TET3: variants seen among roughly 807,000 people sequenced by gnomAD.
The protein encoded by TET3 is tet methylcytosine dioxygenase 3.
A neutral mutation model predicts 141.4 loss-of-function variants in TET3; 19 were observed. The observed-to-expected ratio is 0.13, with a 90% confidence interval of 0.09 to 0.20. The LOEUF is 0.20. TET3 is among the 10% of genes least tolerant of loss of function. TET3 has a pLI of 1.00. For synonymous variants in TET3, 1,043 were observed against 980.9 expected (o/e 1.06, Z -1.18); for missense variants, 1,874 against 2,356.9 (o/e 0.80, Z 4.24).
chr2:74,007,527 T>C (rs770411325), intron 3 of TET3, among the ~76,000 whole-genome samples: 10 of 152,198 alleles, frequency 6.6e-5, no homozygotes, highest in Non-Finnish European at 1.5e-4. Context: ...ACCATGAACC[T>C]GAAATTGCCT....
At chr2:74,081,561 A>G (rs2104001337) in intron 6 of TET3, among the ~76,000 whole-genome samples, 1 of 152,302 alleles carries the variant, frequency 6.6e-6, no homozygotes, top group Non-Finnish European at 1.5e-5. Flanking sequence ...AGTCAGGCTG[A>G]GGAGAGGGAG....
intron 3 of TET3, among the ~76,000 whole-genome samples, chr2:74,037,147 C>T (rs1687108904): frequency 6.6e-6 from 1 of 152,152 alleles, no homozygotes; most frequent in South Asian, 2.1e-4. Flanking sequence ...AGCCAGTGTG[C>T]CCATGGGCAC....
At chr2:74,036,271 C>G (rs916041733) in intron 3 of TET3, among the ~76,000 whole-genome samples, 9 of 152,212 alleles carry the variant, frequency 5.9e-5, no homozygotes, top group African/African-American at 2.2e-4. Context: ...ACTAAATGTT[C>G]TTCCTCTTCA....
downstream of TET3, among the ~76,000 whole-genome samples, chr2:74,110,802 C>T (rs1292902233): frequency 6.6e-6 from 1 of 152,146 alleles, no homozygotes; most frequent in East Asian, 1.9e-4. Context: ...ACCCCTGACT[C>T]TCACTCTCCA....
rs184359163 is a variant in TET3, at chr2:74,084,473, G to A, written c.2680-3357G>A. The stretch of plus-strand genomic sequence containing the variant: ...TCTCTCTCTTTTTTTTTTTTTTTGA[G>A]ATGGAGTCTCGCTCTGTCGCCCAGG... On this transcript the variant is annotated intron_variant, in intron 6 of 11. Coordinates refer to ENST00000409262, the MANE Select transcript of TET3 (RefSeq NM_001287491.2). 4.0e-4 allele frequency among the ~76,000 whole-genome samples: 60 copies of A among 149,072 alleles called. No individual in the cohort carries two copies. The South Asian group carries it at 9.1e-3, about 23-fold the overall frequency.
chr2:74,008,485 G>A (rs1020334615), intron 3 of TET3, among the ~76,000 whole-genome samples: 2 of 152,206 alleles, frequency 1.3e-5, no homozygotes, highest in East Asian at 3.9e-4. Context: ...CATTGCCACA[G>A]GCAGGGCACC....
chr2:74,060,146 C>T (rs1035193598), intron 4 of TET3, among the ~76,000 whole-genome samples: 3 of 152,200 alleles, frequency 2.0e-5, no homozygotes, highest in African/African-American at 7.2e-5. Context: ...TCCACGTTCT[C>T]ACCAGCAAAT....
At chr2:74,094,582 G>A (rs953373325) in intron 10 of TET3, among the ~76,000 whole-genome samples, 3 of 152,164 alleles carry the variant, frequency 2.0e-5, no homozygotes, top group Non-Finnish European at 4.4e-5. Context: ...TGAGGTGAAC[G>A]GGAGGGAATA....
At chr2:74,048,576 G>A (rs943639679) in intron 4 of TET3, among the ~76,000 whole-genome samples, 165 bp downstream of exon 4, 1 of 152,226 alleles carries the variant, frequency 6.6e-6, no homozygotes, top group South Asian at 2.1e-4. Flanking sequence ...AAAAGACATT[G>A]AAAGAAATTG....
chr2:74,099,557 T>A lies in TET3; in HGVS notation c.3549T>A (p.Thr1183=). The change falls in exon 11 of 12, where the codon ACT becomes ACA. Residue 1183 remains threonine (T), a synonymous_variant. Coordinates refer to ENST00000409262, the MANE Select transcript of TET3 (RefSeq NM_001287491.2). The part of the protein sequence containing the change: ...KKKIQKEKLS[T]PEKIKQEALE... ...AGATTCAGAAGGAGAAGCTGAGCAC[T>A]CCGGAGAAGATCAAGCAGGAGGCCC... The A allele has an allele frequency of 6.2e-7, 1 of 1,607,872 alleles. No individual in the cohort carries two copies. Among genetic ancestry groups the A allele is most frequent in the Non-Finnish European group, 8.5e-7 (1 of 1,176,942 alleles).
intron 3 of TET3, among the ~76,000 whole-genome samples, chr2:74,039,535 A>G (rs1687235968): frequency 1.3e-5 from 2 of 152,232 alleles, no homozygotes; most frequent in South Asian, 4.1e-4. Context: ...TTGTCAGGCA[A>G]CAAATCACCC....
At chr2:74,099,679 C>T (rs1456150702) in intron 11 of TET3, 67 bp downstream of exon 11, 1 of 1,414,788 alleles carries the variant, frequency 7.1e-7, no homozygotes, top group South Asian at 1.4e-5. Context: ...CCCTGCTCTT[C>T]CACGCACCCT....
chr2:73,985,315 G>A (rs1439745561), intron 1 of TET3, among the ~76,000 whole-genome samples, 158 bp downstream of exon 1: 2 of 132,616 alleles, frequency 1.5e-5, no homozygotes, highest in African/African-American at 5.5e-5. Context: ...GGGGCGCTGT[G>A]CGGCTGAGCC....
intron 4 of TET3, among the ~76,000 whole-genome samples, chr2:74,063,236 C>G (rs1336765272): frequency 1.3e-5 from 2 of 151,410 alleles, no homozygotes; most frequent in South Asian, 2.1e-4. Context: ...TGTAAGATCA[C>G]TTTGAGAAGT....
At chr2:74,120,850 ACT>A in the TET3 span, 1 of 151,958 alleles carries the variant, frequency 6.6e-6, no homozygotes, top group Non-Finnish European at 1.5e-5. Flanking sequence ...ATTACGTAAA[ACT>A]CTCCTTCCCT....
At chr2:74,097,747 G>A (rs1336575428) in intron 10 of TET3, among the ~76,000 whole-genome samples, 3 of 152,140 alleles carry the variant, frequency 2.0e-5, no homozygotes, top group Non-Finnish European at 4.4e-5. Flanking sequence ...CCTCGTGCAC[G>A]GCCCTCTATT....
At chr2:74,091,850 A>G (rs1348814144) in intron 8 of TET3, among the ~76,000 whole-genome samples, 1 of 152,216 alleles carries the variant, frequency 6.6e-6, no homozygotes, top group African/African-American at 2.4e-5. Flanking sequence ...TCTCTGCCAC[A>G]TGTCACCAGG....
chr2:74,061,059 C>A (rs1035520544), intron 4 of TET3, among the ~76,000 whole-genome samples: 2 of 151,906 alleles, frequency 1.3e-5, no homozygotes, highest in Admixed American at 1.3e-4. Context: ...GGTGGCCGGG[C>A]AGAGGGGCTC....
the TET3 span, among the ~76,000 whole-genome samples, chr2:74,125,859 A>G: frequency 6.6e-5 from 10 of 152,260 alleles, no homozygotes; most frequent in Non-Finnish European, 2.9e-5. Context: ...GTAGCTCAGT[A>G]AATTGAACTA....
Sources: gnomAD v4.1 joint callset for allele counts (sites outside exome capture counted in the v4.1 genomes callset) on GRCh38, gnomAD v4.1.1 for gene constraint, MANE v1.5 for transcripts, NCBI Gene and HGNC (gene_info 2026-07-23, HGNC 2026-07-21) for gene names.